The following FOCAD variants were observed in gnomAD, a reference collection of about 807,000 sequenced individuals.
FOCAD encodes the protein KIAA1797.
Under a neutral mutation model 225.6 loss-of-function variants are expected in FOCAD, and 198 were observed. The ratio of observed to expected loss-of-function variants is 0.88; its 90% confidence interval spans 0.78 to 0.99. The LOEUF (loss-of-function observed/expected upper bound fraction) is 0.99. FOCAD is among the 50% of genes least tolerant of loss of function. The pLI is 0.00. For missense variants in FOCAD, 2,713 were observed against 2,123.6 expected, an observed-to-expected ratio of 1.28 and a Z score of -5.46; for synonymous variants, 897 against 755.0, an observed-to-expected ratio of 1.19 and a Z score of -3.08.
At chr9:20,667,725 C>A (rs2131270832) in intron 2 of FOCAD, among the ~76,000 whole-genome samples, 1 of 152,260 alleles carries the variant, frequency 6.6e-6, no homozygotes, top group African/African-American at 2.4e-5. Flanking sequence ...AATACTGCTT[C>A]ATGGTCAGTC....
At chr9:20,691,309 C>T (rs572843576) in intron 1 of FOCAD, among the ~76,000 whole-genome samples, 51 of 152,174 alleles carry the variant, frequency 3.4e-4, no homozygotes, top group African/African-American at 1.1e-3. Flanking sequence ...GGTTTTCCTC[C>T]TACGTCATTG....
intron 7 of FOCAD, among the ~76,000 whole-genome samples, chr9:20,768,298 T>C (rs551883207): frequency 0.012 from 1,863 of 151,584 alleles, 17 homozygotes; most frequent in Non-Finnish European, 0.017. Context: ...AGGATTGACT[T>C]GGCGATGCGG....
rs1054488248 is a variant in FOCAD, at chr9:20,753,000, C to G, written c.393-5090C>G. Among the ~76,000 whole-genome samples the G allele has an allele frequency of 3.6e-4, 54 of 150,784 alleles. 1 individual carries two copies. Among genetic ancestry groups the G allele is most frequent in the African/African-American group, 1.3e-3 (52 of 41,210 alleles). On this transcript the variant is annotated intron_variant, in intron 5 of 43. Transcript: ENST00000338382. ...TATAAGAATGCTTGTGATTTTTGTA[C>G]ATTGATTTTGTATCCTGAGACTTTG...
intron 25 of FOCAD, among the ~76,000 whole-genome samples, chr9:20,924,205 A>C (rs1224523541): frequency 6.6e-6 from 1 of 152,218 alleles, no homozygotes; most frequent in African/African-American, 2.4e-5. Context: ...TTAATTAAAC[A>C]TGTGGTGAGC....
chr9:20,902,964 G>C (rs926628125), intron 21 of FOCAD, among the ~76,000 whole-genome samples: 2 of 151,812 alleles, frequency 1.3e-5, no homozygotes, highest in Non-Finnish European at 1.5e-5. Flanking sequence ...TTTTAAACTA[G>C]GTATTTTCAA....
At chr9:20,960,242 C>T (rs1415831573) in intron 35 of FOCAD, among the ~76,000 whole-genome samples, 1 of 152,164 alleles carries the variant, frequency 6.6e-6, no homozygotes, top group Non-Finnish European at 1.5e-5. Flanking sequence ...TGATATTTCT[C>T]ATATTAGAGT....
upstream of FOCAD, among the ~76,000 whole-genome samples, chr9:20,656,503 G>C (rs1428425366): frequency 2.0e-5 from 3 of 152,120 alleles, no homozygotes; most frequent in Non-Finnish European, 4.4e-5. Context: ...AGCTCTTCTT[G>C]TTGAATTGAT....
chr9:20,981,313 C>G, intron 37 of FOCAD, 113 bp from the exon 38 acceptor site: 2 of 1,246,766 alleles, frequency 1.6e-6, no homozygotes, highest in Non-Finnish European at 2.3e-6. Context: ...AGGAAGTAAC[C>G]TGAACCTTTT....
chr9:20,808,348 A>G (rs1822686511), intron 11 of FOCAD, among the ~76,000 whole-genome samples: 1 of 152,164 alleles, frequency 6.6e-6, no homozygotes, highest in South Asian at 2.1e-4. Flanking sequence ...TCCTGGGTAA[A>G]TACAAGAAGA....
intron 11 of FOCAD, among the ~76,000 whole-genome samples, chr9:20,803,258 C>A (rs1822038550): frequency 6.6e-6 from 1 of 152,010 alleles, no homozygotes; most frequent in Admixed American, 6.6e-5. Context: ...ATGAGTGCCA[C>A]CAGTGGCAGC....
At chr9:20,881,829 T>C (rs1830687598) in intron 19 of FOCAD, 42 bp from the exon 20 acceptor site, 1 of 1,579,206 alleles carries the variant, frequency 6.3e-7, no homozygotes, top group Admixed American at 1.9e-5. Flanking sequence ...TTCTAGCTTA[T>C]TGTATTTACT....
At chr9:20,944,419 G>T (rs1836972443) in intron 28 of FOCAD, among the ~76,000 whole-genome samples, 1 of 152,118 alleles carries the variant, frequency 6.6e-6, no homozygotes, top group Non-Finnish European at 1.5e-5. Flanking sequence ...ATGGGCCACA[G>T]ATACATGTTT....
chr9:20,780,941 A>G (rs540470203), intron 9 of FOCAD, among the ~76,000 whole-genome samples: 1 of 152,352 alleles, frequency 6.6e-6, no homozygotes, highest in African/African-American at 2.4e-5. Context: ...CTGACAACTC[A>G]TTGACATGAT....
intron 15 of FOCAD, among the ~76,000 whole-genome samples, chr9:20,831,931 T>G (rs1825534603): frequency 6.6e-6 from 1 of 152,106 alleles, no homozygotes; most frequent in African/African-American, 2.4e-5. Context: ...TTCTGGACAC[T>G]TCATATGGAG....
intron 27 of FOCAD, among the ~76,000 whole-genome samples, chr9:20,932,577 G>C (rs1340229503): frequency 6.6e-6 from 1 of 152,154 alleles, no homozygotes; most frequent in African/African-American, 2.4e-5. Context: ...CCACAACTGA[G>C]ACATGAAATC....
intron 35 of FOCAD, among the ~76,000 whole-genome samples, chr9:20,960,052 G>A (rs1180365787): frequency 6.6e-6 from 1 of 152,048 alleles, no homozygotes; most frequent in African/African-American, 2.4e-5. Flanking sequence ...AACAATCCCA[G>A]TGATGTTTTT....
chr9:20,696,590 GC>G (rs1380374179), intron 1 of FOCAD, among the ~76,000 whole-genome samples: 1 of 152,182 alleles, frequency 6.6e-6, no homozygotes, highest in Non-Finnish European at 1.5e-5. Context: ...GATGGCTTGA[GC>G]CCAGGAGTTT....
intron 2 of FOCAD, among the ~76,000 whole-genome samples, chr9:20,659,573 G>A (rs1038204876): frequency 6.6e-6 from 1 of 152,190 alleles, no homozygotes; most frequent in Non-Finnish European, 1.5e-5. Context: ...TCATCTGCAT[G>A]TCAAGGAGCT....
intron 29 of FOCAD, among the ~76,000 whole-genome samples, chr9:20,945,230 G>GT (rs11435595): frequency 0.29 from 43,516 of 152,088 alleles, 6,515 homozygotes; most frequent in South Asian, 0.36. Flanking sequence ...TTAGAGAAAA[G>GT]TTTTTTTCTG....
Sources: allele counts gnomAD v4.1 joint callset (sites outside exome capture counted in the v4.1 genomes callset), GRCh38; gene constraint gnomAD v4.1.1; transcripts MANE v1.5; gene names NCBI Gene and HGNC (gene_info 2026-07-23, HGNC 2026-07-21).